The following WDR64 variants were observed in gnomAD, a reference collection of about 807,000 sequenced individuals.
The protein encoded by WDR64 is WD repeat domain 64, also known as WD repeat-containing protein 64.
WDR64 carries 112 observed loss-of-function variants against 139.3 expected under a neutral mutation model. The observed-to-expected ratio is 0.80, with a 90% CI of 0.69 to 0.94. WDR64 has a LOEUF of 0.94. Ranked by LOEUF, WDR64 falls within the 40% of genes least tolerant of loss-of-function variation. The pLI is 0.00. For synonymous variants in WDR64, 444 were observed against 437.7 expected, an observed-to-expected ratio of 1.01 and a Z score of -0.18; for missense variants, 1,206 against 1,293.1, an observed-to-expected ratio of 0.93 and a Z score of 1.03.
At chr1:241,780,616 A>G (rs1658810499) in intron 22 of WDR64, among the ~76,000 whole-genome samples, 1 of 152,068 alleles carries the variant, frequency 6.6e-6, no homozygotes, top group Non-Finnish European at 1.5e-5. Flanking sequence ...TTTTTTTTGG[A>G]TCACAAGTAT....
At chr1:241,673,720 T>C (rs1448226996) in intron 3 of WDR64, among the ~76,000 whole-genome samples, 8 of 152,206 alleles carry the variant, frequency 5.3e-5, no homozygotes, top group Non-Finnish European at 1.2e-4. Flanking sequence ...CTTTCTTTCC[T>C]AAGAGTTTGC....
At position 241,787,997 on chromosome 1, in the gene WDR64, CA is replaced by C. The variant is rs773262930; in HGVS notation, c.2859del (p.Lys953AsnfsTer6). 3.1e-6 allele frequency: 5 copies of C among 1,600,258 alleles called. No homozygotes were observed. The South Asian group carries it at 5.7e-5, about 18-fold the overall frequency. On this transcript the variant is annotated frameshift_variant, in exon 24 of 28. Transcript: ENST00000437684. LOFTEE classifies it high-confidence loss of function. ...AGAAGAAAGCAAGTTCACAGAGAAGCAAAAATATGAATATCCTCTGATATTT... is the reference window on the plus strand; with the variant it reads ...AGAAGAAAGCAAGTTCACAGAGAAGCAAAATATGAATATCCTCTGATATTT... Reference protein sequence around the residue: ...IKEESKFTEKQKYEYPLIFDR... With the variant: ...IKEESKFTEKXKYEYPLIFDR...
rs1669672353 is a variant in WDR64 at position 241,744,443 on chromosome 1, T to C, written c.1521T>C (p.His507=). The part of the protein sequence containing the change: ...GLQVYQILEP[H]GFNTEVTSAA... ...AAGTATACCAGATTTTAGAACCTCA[T>C]GGTTTCAATACTGAAGTGACTTCTG... The change falls in exon 13 of 28, where the codon CAT becomes CAC. Residue 507 remains histidine, a synonymous_variant. Coordinates refer to ENST00000437684, the MANE Select transcript of WDR64 (RefSeq NM_001367482.1). The C allele has an allele frequency of 6.2e-6, 10 of 1,614,136 alleles. No homozygotes were observed. Among genetic ancestry groups the C allele is most frequent in the Non-Finnish European group, 8.5e-6 (10 of 1,179,992 alleles).
At chr1:241,739,625 T>G (rs1439531725) in intron 11 of WDR64, among the ~76,000 whole-genome samples, 2 of 152,214 alleles carry the variant, frequency 1.3e-5, no homozygotes, top group Non-Finnish European at 2.9e-5. Context: ...ATTTGATTAC[T>G]AGGCTTAGCA....
In WDR64 at chr1:241,744,385, T is replaced by TC; in HGVS notation, c.1471-5dup. The TC allele has an allele frequency of 6.2e-7, 1 of 1,613,590 alleles. No individual in the cohort carries two copies. The highest frequency in any genetic ancestry group is 1.7e-4 in the Middle Eastern group (1 of 6,054). On this transcript the variant is annotated splice_region_variant and splice_polypyrimidine_tract_variant and intron_variant, in intron 12 of 27. Transcript: ENST00000437684. ...CGGATTACTTGATATTTTCGTTCTT[T>TC]CCCATAGGTATGGGAACTCGAGACT...
At chr1:241,757,192 A>T in intron 14 of WDR64, 91 bp from the exon 15 acceptor site, 1 of 1,161,108 alleles carries the variant, frequency 8.6e-7, no homozygotes, top group Admixed American at 2.9e-5. Context: ...TGGTAGATAC[A>T]TCATTGTAGG....
chr1:241,695,938 A>C (rs1667464315), intron 8 of WDR64, among the ~76,000 whole-genome samples: 1 of 151,712 alleles, frequency 6.6e-6, no homozygotes. Flanking sequence ...ACATAGGGAG[A>C]TCCTGTCGCT....
rs367716900 is a variant in WDR64, at chr1:241,678,905, T to C, written c.514-580T>C. Among the ~76,000 whole-genome samples the C allele has an allele frequency of 6.2e-3, 865 of 139,682 alleles. 12 individuals carry two copies. Among genetic ancestry groups the C allele is most frequent in the Middle Eastern group, 0.038 (10 of 260 alleles). 91.6% of individuals were successfully genotyped at this position (139,682 alleles called of 152,430 possible). A position where few individuals can be genotyped will look rare whatever the true frequency, so the allele number is the denominator to read the frequency against. On this transcript the variant is annotated intron_variant, in intron 5 of 27. Coordinates refer to ENST00000437684, the MANE Select transcript of WDR64 (RefSeq NM_001367482.1). Reference sequence around the variant, plus strand: ...AAAAAAAAGCCAACACTGGAATTTCTAACAGGTTTTACAGAAAGTTAGAGG... The same window carrying C: ...AAAAAAAAGCCAACACTGGAATTTCCAACAGGTTTTACAGAAAGTTAGAGG...
chr1:241,715,171 T>C (rs970287601), intron 9 of WDR64, among the ~76,000 whole-genome samples: 3 of 152,104 alleles, frequency 2.0e-5, no homozygotes, highest in Non-Finnish European at 4.4e-5. Flanking sequence ...AGGGAGCAAG[T>C]TTCTTGATAC....
In WDR64 at chr1:241,687,493, T is replaced by C; in HGVS notation, c.872T>C (p.Met291Thr). 6.2e-7 allele frequency: 1 copy of C among 1,613,976 alleles called. No homozygotes were observed. Among genetic ancestry groups the C allele is most frequent in the Non-Finnish European group, 8.5e-7 (1 of 1,179,936 alleles). ...VKRKLHNDWVMKIRYISALNC... is the reference protein window; with the variant it reads ...VKRKLHNDWVTKIRYISALNC... ...AGGAAGCTACATAATGACTGGGTTA[T>C]GAAAATTAGATATATTTCAGCCCTA... Residue 291 changes from methionine to threonine, a missense_variant, in exon 8 of 28, where the codon ATG (methionine) becomes ACG (threonine). By Grantham distance (81) the Met-to-Thr change is moderately conservative (BLOSUM62 -1). Coordinates refer to ENST00000437684, the MANE Select transcript of WDR64 (RefSeq NM_001367482.1).
At chr1:241,659,139 T>C (rs971649808) in intron 1 of WDR64, among the ~76,000 whole-genome samples, 5 of 152,168 alleles carry the variant, frequency 3.3e-5, no homozygotes, top group African/African-American at 1.2e-4. Flanking sequence ...AGCTCCTACA[T>C]ACAAGTGAGA....
At chr1:241,676,364 C>T (rs1666554839) in intron 4 of WDR64, 1 of 152,176 alleles carries the variant, frequency 6.6e-6, no homozygotes, top group Admixed American at 6.5e-5. Context: ...AGTTCCTCAG[C>T]AAATATTGGC....
intron 1 of WDR64, among the ~76,000 whole-genome samples, chr1:241,658,638 CAAAAAA>C (rs56278786): frequency 2.4e-5 from 2 of 83,780 alleles, no homozygotes; most frequent in South Asian, 3.6e-4. Flanking sequence ...GATCCTGTCT[CAAAAAA>C]AAAAAAAAAA....
intron 8 of WDR64, among the ~76,000 whole-genome samples, chr1:241,694,280 T>C (rs1314565540): frequency 6.6e-6 from 1 of 152,184 alleles, no homozygotes; most frequent in Non-Finnish European, 1.5e-5. Context: ...TTCTTGAAAA[T>C]TGTAGACTTC....
chr1:241,761,398 G>A (rs1391969737), intron 15 of WDR64, among the ~76,000 whole-genome samples: 2 of 151,690 alleles, frequency 1.3e-5, no homozygotes, highest in East Asian at 3.9e-4. Flanking sequence ...AATATAATTT[G>A]GTATACTTTA....
chr1:241,775,359 T>A (rs1435264856), intron 21 of WDR64, 149 bp downstream of exon 21: 2 of 586,468 alleles, frequency 3.4e-6, no homozygotes, highest in Non-Finnish European at 5.8e-6. Context: ...ATAAATAGCC[T>A]GCTGAATAAA....
chr1:241,697,810 T>C (rs1335899618), intron 8 of WDR64, among the ~76,000 whole-genome samples: 1 of 152,198 alleles, frequency 6.6e-6, no homozygotes, highest in Non-Finnish European at 1.5e-5. Flanking sequence ...CTCTGTGGAA[T>C]CAGAAAGCCT....
chr1:241,696,791 C>A (rs967928897), intron 8 of WDR64, among the ~76,000 whole-genome samples: 3 of 152,098 alleles, frequency 2.0e-5, no homozygotes, highest in South Asian at 2.1e-4. Context: ...TTTACTGCAA[C>A]CTGTTTTATG....
chr1:241,753,316 C>A (rs1034110348), intron 14 of WDR64, among the ~76,000 whole-genome samples: 5 of 152,160 alleles, frequency 3.3e-5, no homozygotes, highest in African/African-American at 7.2e-5. Context: ...GTTCTGCAAG[C>A]AAAATAATTG....
Sources: gnomAD v4.1 joint callset for allele counts (sites outside exome capture counted in the v4.1 genomes callset) on GRCh38, gnomAD v4.1.1 for gene constraint, MANE v1.5 for transcripts, NCBI Gene and HGNC (gene_info 2026-07-23, HGNC 2026-07-21) for gene names.